Variants in SYCE3 observed in about 807,000 individuals in gnomAD.
SYCE3 encodes the protein testis highly expressed gene 2 protein.
Under a neutral mutation model 8.1 loss-of-function variants are expected in SYCE3, and 3 were observed. The observed-to-expected ratio is 0.37, with a 90% CI of 0.17 to 0.96. The LOEUF is 0.96. SYCE3 is among the 40% of genes least tolerant of loss of function. The pLI is 0.41. For synonymous variants in SYCE3, 36 were observed against 38.7 expected (o/e 0.93, Z 0.26); for missense variants, 83 against 110.0 (o/e 0.75, Z 1.10).
chr22:50,551,225 C>T lies in SYCE3; in HGVS notation c.*20G>A. 1 of 1,549,718 alleles carries T rather than the reference C, an allele frequency of 6.5e-7. No individual in the cohort carries two copies. Among genetic ancestry groups the T allele is most frequent in the Non-Finnish European group, 8.7e-7 (1 of 1,145,760 alleles). On this transcript the variant is annotated 3_prime_UTR_variant, in exon 3 of 3. Transcript: ENST00000406915. ...ATACGGGCAGAGGGTGGCATGGCAG[C>T]TGTGGTGGGCCAGTGGGGCCTACAG...
At chr22:50,561,534 C>T (rs1603442908) in intron 1 of SYCE3, among the ~76,000 whole-genome samples, 2 of 28,084 alleles carry the variant, frequency 7.1e-5, no homozygotes, top group African/African-American at 1.0e-4. Context: ...GAGCGTGGGG[C>T]GGGAGGAGTG....
intron 1 of SYCE3, 133 bp from the exon 2 acceptor site, chr22:50,556,538 C>T (rs2069861708): frequency 1.5e-6 from 1 of 645,268 alleles, no homozygotes; most frequent in Admixed American, 2.7e-5. Context: ...CCACGTACTC[C>T]ACAGGGCTGT....
chr22:50,561,054 C>G (rs1268341010), intron 1 of SYCE3, among the ~76,000 whole-genome samples: 1 of 152,116 alleles, frequency 6.6e-6, no homozygotes, highest in Non-Finnish European at 1.5e-5. Context: ...CCTCAGGACC[C>G]TAAGACGGCA....
chr22:50,554,143 C>T (rs2069836149), intron 2 of SYCE3, among the ~76,000 whole-genome samples: 1 of 148,292 alleles, frequency 6.7e-6, no homozygotes, highest in Admixed American at 6.8e-5. Flanking sequence ...TGCAGTGAGC[C>T]GAGATTGTGC....
At chr22:50,559,234 C>A (rs12160025) in intron 1 of SYCE3, among the ~76,000 whole-genome samples, 3,077 of 152,146 alleles carry the variant, frequency 0.02, 120 homozygotes, top group African/African-American at 0.07. Flanking sequence ...TCAAGCAATT[C>A]TCCTGCCTCA....
In SYCE3 at chr22:50,560,365, C is replaced by T. The variant is rs2069902557; in HGVS notation, c.-1+2493G>A. Among the ~76,000 whole-genome samples, 4 of 152,024 alleles carry T rather than the reference C, an allele frequency of 2.6e-5. No individual in the cohort carries two copies. The South Asian group carries it at 8.3e-4, about 32-fold the overall frequency. The stretch of plus-strand genomic sequence containing the variant: ...AGCTGGGTGTGGTGGTGCGCACCTC[C>T]AGTCCTAGTTACTCAGGAGGGTGAG... On this transcript the variant is annotated intron_variant, in intron 1 of 2. Coordinates refer to ENST00000406915, the MANE Select transcript of SYCE3 (RefSeq NM_001123225.3).
At chr22:50,562,036 G>C (rs1197548601) in intron 1 of SYCE3, among the ~76,000 whole-genome samples, 1 of 99,794 alleles carries the variant, frequency 1.0e-5, no homozygotes, top group Non-Finnish European at 2.0e-5. Flanking sequence ...ATTAGGTTAA[G>C]GGGGTGAAGG....
chr22:50,560,307 C>T (rs1452882028), intron 1 of SYCE3, among the ~76,000 whole-genome samples: 1 of 151,990 alleles, frequency 6.6e-6, no homozygotes, highest in Admixed American at 6.6e-5. Flanking sequence ...CAGACCAGCC[C>T]GGGCAACAGT....
chr22:50,551,496 A>C, intron 2 of SYCE3, 94 bp from the exon 3 acceptor site: 2 of 1,363,852 alleles, frequency 1.5e-6, no homozygotes, highest in Non-Finnish European at 2.0e-6. Context: ...TGGGCTCAGC[A>C]TCTGGAGGCC....
At chr22:50,553,407 T>C (rs1277280992) in intron 2 of SYCE3, among the ~76,000 whole-genome samples, 1 of 152,178 alleles carries the variant, frequency 6.6e-6, no homozygotes, top group Non-Finnish European at 1.5e-5. Flanking sequence ...ATGCACAAAT[T>C]ACTCTTATAA....
chr22:50,560,135 A>G (rs564437090), intron 1 of SYCE3, among the ~76,000 whole-genome samples: 34 of 152,184 alleles, frequency 2.2e-4, no homozygotes, highest in Admixed American at 5.2e-4. Context: ...CCTGGAATGT[A>G]ATGTAGAGTC....
At chr22:50,556,992 C>T (rs1039812739) in intron 1 of SYCE3, among the ~76,000 whole-genome samples, 1 of 152,062 alleles carries the variant, frequency 6.6e-6, no homozygotes, top group African/African-American at 2.4e-5. Flanking sequence ...ATCAACTTAA[C>T]TTTCCAGAAG....
intron 2 of SYCE3, among the ~76,000 whole-genome samples, chr22:50,552,898 G>A (rs1342809604): frequency 6.6e-6 from 1 of 152,160 alleles, no homozygotes; most frequent in South Asian, 2.1e-4. Flanking sequence ...CTCTATGTGA[G>A]GATACAAGAA....
At chr22:50,551,868 C>T (rs1489126938) in intron 2 of SYCE3, among the ~76,000 whole-genome samples, 1 of 152,202 alleles carries the variant, frequency 6.6e-6, no homozygotes, top group Non-Finnish European at 1.5e-5. Context: ...TGCCTGCCCA[C>T]CTCCACCTGG....
At chr22:50,561,783 G>A (rs1202956172) in intron 1 of SYCE3, among the ~76,000 whole-genome samples, 1 of 151,498 alleles carries the variant, frequency 6.6e-6, no homozygotes, top group Non-Finnish European at 1.5e-5. Flanking sequence ...AGCACAGGAA[G>A]GGAATGCACC....
chr22:50,560,621 A>AT, intron 1 of SYCE3, among the ~76,000 whole-genome samples: 1 of 152,208 alleles, frequency 6.6e-6, no homozygotes. Context: ...TTAGATGGGA[A>AT]GGGGAGAAAA....
intron 1 of SYCE3, among the ~76,000 whole-genome samples, chr22:50,557,177 A>T: frequency 1.4e-5 from 2 of 141,224 alleles, no homozygotes. Context: ...TTTTTTTGAG[A>T]CGAAGTTTTG....
At chr22:50,561,543 TGTGGGGCGGGAGC>T (rs958613830) in intron 1 of SYCE3, among the ~76,000 whole-genome samples, 11 of 57,150 alleles carry the variant, frequency 1.9e-4, no homozygotes, top group Non-Finnish European at 2.7e-4. Context: ...GCGGGAGGAG[TGTGGGGCGGGAGC>T]GTGGGGCGGG....
chr22:50,561,975 C>T (rs528978789), intron 1 of SYCE3, among the ~76,000 whole-genome samples: 1 of 139,832 alleles, frequency 7.2e-6, no homozygotes, highest in East Asian at 2.1e-4. Flanking sequence ...AATGAGAAGC[C>T]CAGGGTGTGC....
Sources: allele counts gnomAD v4.1 joint callset (sites outside exome capture counted in the v4.1 genomes callset), GRCh38; gene constraint gnomAD v4.1.1; transcripts MANE v1.5; gene names NCBI Gene and HGNC (gene_info 2026-07-23, HGNC 2026-07-21).